IMMP2L: variants seen among roughly 807,000 people sequenced by gnomAD.
IMMP2L encodes mitochondrial inner membrane protease subunit 2.
In IMMP2L, 18 loss-of-function variants were observed where a neutral mutation model predicts 19.3. The ratio of observed to expected loss-of-function variants is 0.93; its 90% confidence interval spans 0.64 to 1.38. The LOEUF (loss-of-function observed/expected upper bound fraction) is 1.38, where lower values mean the gene tolerates loss of function less well. IMMP2L is among the 40% of genes most tolerant of loss of function. The probability of loss-of-function intolerance (pLI) is 0.00; values close to 1 mark genes in which losing one functional copy is unlikely to be tolerated. For synonymous variants in IMMP2L, 76 were observed against 73.0 expected (o/e 1.04, Z -0.21); for missense variants, 233 against 218.2 (o/e 1.07, Z -0.43).
chr7:110,949,912 A>G (rs1817622896), intron 4 of IMMP2L, among the ~76,000 whole-genome samples: 1 of 152,184 alleles, frequency 6.6e-6, no homozygotes, highest in Non-Finnish European at 1.5e-5. Context: ...CAATATACCC[A>G]TGTAAGAAAC....
At chr7:111,316,861 T>C (rs1420039672) in intron 3 of IMMP2L, among the ~76,000 whole-genome samples, 1 of 140,962 alleles carries the variant, frequency 7.1e-6, no homozygotes, top group Non-Finnish European at 1.5e-5. Flanking sequence ...TTTTTTTTTT[T>C]TTTTTTTGAG....
intron 5 of IMMP2L, among the ~76,000 whole-genome samples, chr7:110,675,639 T>C (rs1792245102): frequency 1.3e-5 from 2 of 152,232 alleles, no homozygotes; most frequent in Admixed American, 1.3e-4. Context: ...CAATGACCAA[T>C]ACAAAGTAAT....
rs201049114 is a variant in IMMP2L at position 111,290,499 on chromosome 7, C to CT, written c.239+196738dup. 3.7e-3 allele frequency among the ~76,000 whole-genome samples: 547 copies of CT among 148,050 alleles called. 3 individuals are homozygous for CT. The highest frequency in any genetic ancestry group is 0.011 in the African/African-American group (415 of 39,454). On this transcript the variant is annotated intron_variant, in intron 3 of 5. Transcript: ENST00000405709. The stretch of plus-strand genomic sequence containing the variant: ...GTGTTTATTTAAGCATGATTGACTT[C>CT]TTTTTAAAAAAAAAAAAAATGAATG...
At chr7:110,740,981 C>A (rs1350986891) in intron 5 of IMMP2L, among the ~76,000 whole-genome samples, 1 of 150,276 alleles carries the variant, frequency 6.7e-6, no homozygotes, top group African/African-American at 2.4e-5. Flanking sequence ...AATCCCACTA[C>A]CAGGTATCTA....
chr7:110,981,906 C>G (rs1331115409), intron 3 of IMMP2L, among the ~76,000 whole-genome samples: 1 of 152,088 alleles, frequency 6.6e-6, no homozygotes, highest in Non-Finnish European at 1.5e-5. Context: ...CTTCAAACAC[C>G]TGGAATTATA....
chr7:111,364,790 G>GT (rs1563105210), intron 3 of IMMP2L, among the ~76,000 whole-genome samples: 1 of 151,848 alleles, frequency 6.6e-6, no homozygotes, highest in Non-Finnish European at 1.5e-5. Flanking sequence ...GGGCAACATG[G>GT]TGAAACCCCA....
At chr7:110,786,047 C>T (rs1264242738) in intron 5 of IMMP2L, among the ~76,000 whole-genome samples, 2 of 151,706 alleles carry the variant, frequency 1.3e-5, no homozygotes, top group African/African-American at 4.8e-5. Context: ...ACGATGAATT[C>T]AGAAAAAGGA....
chr7:111,004,346 G>A (rs1216570722), intron 3 of IMMP2L, among the ~76,000 whole-genome samples: 1 of 151,984 alleles, frequency 6.6e-6, no homozygotes, highest in Non-Finnish European at 1.5e-5. Flanking sequence ...TTATATTTTT[G>A]TAGAAATAGG....
At chr7:110,717,251 C>T (rs552936655) in intron 5 of IMMP2L, among the ~76,000 whole-genome samples, 158 of 152,104 alleles carry the variant, frequency 1.0e-3, no homozygotes, top group African/African-American at 3.3e-3. Flanking sequence ...CCGAGGCGGG[C>T]GGATCATGAG....
intron 3 of IMMP2L, among the ~76,000 whole-genome samples, chr7:110,986,821 TAAAA>T (rs79747185): frequency 7.5e-6 from 1 of 132,854 alleles, no homozygotes; most frequent in African/African-American, 2.8e-5. Flanking sequence ...TCTTAGTTAG[TAAAA>T]AAAAAAAAAA....
chr7:111,226,355 G>A (rs1381593330), intron 3 of IMMP2L, among the ~76,000 whole-genome samples: 2 of 151,814 alleles, frequency 1.3e-5, no homozygotes, highest in African/African-American at 4.8e-5. Context: ...TTATTTTACA[G>A]ACAAGGTCTC....
Position 110,701,206 on chromosome 7 carries a change from G to T in IMMP2L, c.409-37485C>A, listed in dbSNP as rs180861736. On this transcript the variant is annotated intron_variant, in intron 5 of 5. Coordinates refer to ENST00000405709, the MANE Select transcript of IMMP2L (RefSeq NM_032549.4). ...CTAACCTATCATAGTGTAGTTTTTA[G>T]AAATGAACTGCAGTGAAAATGGAAT... 4.9e-4 allele frequency among the ~76,000 whole-genome samples: 75 copies of T among 152,144 alleles called. No homozygotes were observed. In the East Asian group the frequency reaches 0.013, roughly 26 times the overall value.
chr7:111,254,290 CACTCTGGAATGATCCTAAAA>C (rs1816464176), intron 3 of IMMP2L, among the ~76,000 whole-genome samples: 1 of 151,986 alleles, frequency 6.6e-6, no homozygotes, highest in African/African-American at 2.4e-5. Flanking sequence ...TGATCCTAAG[CACTCTGGAATGATCCTAAAA>C]ACTCTGGAAT....
chr7:110,982,562 A>T (rs1003435299), intron 3 of IMMP2L, among the ~76,000 whole-genome samples: 12 of 152,132 alleles, frequency 7.9e-5, no homozygotes, highest in African/African-American at 2.7e-4. Flanking sequence ...CTAGGTCAAA[A>T]ATGAAGCAAA....
intron 3 of IMMP2L, among the ~76,000 whole-genome samples, chr7:111,289,712 T>C (rs1336782827): frequency 2.0e-5 from 3 of 152,098 alleles, no homozygotes; most frequent in Non-Finnish European, 4.4e-5. Context: ...TGTTTTGTTT[T>C]TTAAGATGGA....
At chr7:110,691,291 T>A (rs1481897146) in intron 5 of IMMP2L, among the ~76,000 whole-genome samples, 1 of 152,120 alleles carries the variant, frequency 6.6e-6, no homozygotes, top group African/African-American at 2.4e-5. Flanking sequence ...ACTGGATCCC[T>A]ATCTCTTACC....
intron 3 of IMMP2L, among the ~76,000 whole-genome samples, chr7:111,319,553 C>T (rs1396890571): frequency 6.6e-6 from 1 of 152,044 alleles, no homozygotes; most frequent in Non-Finnish European, 1.5e-5. Context: ...AAATTTTCAT[C>T]ATTCAAAATT....
chr7:111,497,696 A>G (rs11977096), intron 2 of IMMP2L, among the ~76,000 whole-genome samples: 18,340 of 152,022 alleles, frequency 0.12, 1,644 homozygotes, highest in African/African-American at 0.25. Flanking sequence ...TGCAAACTTC[A>G]AAGTCAGAAG....
At chr7:111,166,667 G>A (rs1311989866) in intron 3 of IMMP2L, among the ~76,000 whole-genome samples, 2 of 151,948 alleles carry the variant, frequency 1.3e-5, no homozygotes, top group Non-Finnish European at 2.9e-5. Flanking sequence ...CAGTTATGGA[G>A]GCCAAAGGTC....
Sources: gnomAD v4.1 joint callset for allele counts (sites outside exome capture counted in the v4.1 genomes callset) on GRCh38, gnomAD v4.1.1 for gene constraint, MANE v1.5 for transcripts, NCBI Gene and HGNC (gene_info 2026-07-23, HGNC 2026-07-21) for gene names.